Variants in ZNF362 observed in about 807,000 individuals in gnomAD.
ZNF362 encodes the protein rotund homolog.
ZNF362 carries 11 observed loss-of-function variants against 42.9 expected under a neutral mutation model. That is an observed-to-expected ratio of 0.26 (90% CI 0.16 to 0.42). The LOEUF is 0.42. Ranked by LOEUF, ZNF362 falls within the 20% of genes least tolerant of loss-of-function variation. ZNF362 has a pLI of 1.00. For synonymous variants in ZNF362, 255 were observed against 257.3 expected, an observed-to-expected ratio of 0.99 and a Z score of 0.09; for missense variants, 362 against 576.2, an observed-to-expected ratio of 0.63 and a Z score of 3.81.
the ZNF362 span, among the ~76,000 whole-genome samples, chr1:33,216,751 G>C: frequency 6.6e-6 from 1 of 151,840 alleles, no homozygotes; most frequent in Non-Finnish European, 1.5e-5. Flanking sequence ...ATAATAAATA[G>C]AAAGAGTTGC....
the ZNF362 span, among the ~76,000 whole-genome samples, chr1:33,139,753 G>A: frequency 2.6e-5 from 4 of 152,218 alleles, no homozygotes; most frequent in African/African-American, 9.6e-5. Flanking sequence ...TGGGCTGCTG[G>A]TGGGGAGGGC....
At chr1:33,178,990 A>G in the ZNF362 span, among the ~76,000 whole-genome samples, 1 of 152,214 alleles carries the variant, frequency 6.6e-6, no homozygotes, top group African/African-American at 2.4e-5. Flanking sequence ...ATCAGAGAAG[A>G]GGGATCTGGG....
At chr1:33,186,670 G>T in the ZNF362 span, among the ~76,000 whole-genome samples, 1 of 145,100 alleles carries the variant, frequency 6.9e-6, no homozygotes, top group Admixed American at 7.1e-5. Flanking sequence ...GCTGGGCGTG[G>T]TGGCGGGTGC....
the ZNF362 span, chr1:33,165,403 T>C: frequency 3.9e-3 from 5,377 of 1,367,990 alleles, 192 homozygotes; most frequent in East Asian, 0.097. This position sits in a 1 kb window ranked among gnomAD's most constrained non-coding sequence, Gnocchi z 4.0. Flanking sequence ...CTTCCCCAGC[T>C]GGCCCCGCCC....
chr1:33,275,698 G>A (rs1645939120), intron 2 of ZNF362, among the ~76,000 whole-genome samples: 1 of 152,188 alleles, frequency 6.6e-6, no homozygotes, highest in Admixed American at 6.5e-5. Context: ...CAAATTTGCT[G>A]CAGTCCTCCC....
At chr1:33,249,703 G>T in the ZNF362 span, among the ~76,000 whole-genome samples, 1 of 152,296 alleles carries the variant, frequency 6.6e-6, no homozygotes, top group Middle Eastern at 3.4e-3. Context: ...GGGAGGTACA[G>T]ATGAGAAGGG....
At chr1:33,206,893 T>G in the ZNF362 span, among the ~76,000 whole-genome samples, 1 of 152,196 alleles carries the variant, frequency 6.6e-6, no homozygotes, top group African/African-American at 2.4e-5. Context: ...ACTATGCACC[T>G]GTTGTAATGT....
the ZNF362 span, chr1:33,158,471 C>A: frequency 1.2e-6 from 1 of 856,024 alleles, no homozygotes; most frequent in Non-Finnish European, 2.0e-6. Context: ...AGGATGTGGT[C>A]ATGAGTGAGA....
At chr1:33,238,994 GC>G in the ZNF362 span, among the ~76,000 whole-genome samples, 2 of 152,154 alleles carry the variant, frequency 1.3e-5, no homozygotes, top group Admixed American at 6.5e-5. Context: ...TGTTATGGCA[GC>G]CCCAGCAGGA....
the ZNF362 span, chr1:33,146,907 G>A: frequency 0.22 from 106,197 of 488,448 alleles, 12,647 homozygotes; most frequent in South Asian, 0.3. Context: ...TGAGGGTTGG[G>A]CAGGGGTTGC....
intron 6 of ZNF362, chr1:33,282,039 A>C: frequency 1.8e-6 from 1 of 562,184 alleles, no homozygotes; most frequent in East Asian, 2.9e-5. Flanking sequence ...CCAGAGAGAC[A>C]CCCCTCTCCC....
the ZNF362 span, among the ~76,000 whole-genome samples, chr1:33,183,870 T>A: frequency 6.6e-6 from 1 of 152,250 alleles, no homozygotes; most frequent in Non-Finnish European, 1.5e-5. Context: ...GAGTCTGGAC[T>A]TCAGGATATG....
intron 4 of ZNF362, among the ~76,000 whole-genome samples, chr1:33,277,928 T>C (rs1645963623): frequency 7.1e-6 from 1 of 141,676 alleles, no homozygotes; most frequent in Admixed American, 6.8e-5. Context: ...CCTTTGTTCC[T>C]CCCCTGTCGC....
At chr1:33,153,354 C>T in the ZNF362 span, among the ~76,000 whole-genome samples, 7 of 152,196 alleles carry the variant, frequency 4.6e-5, no homozygotes, top group African/African-American at 1.7e-4. Context: ...TCTGTTCCTC[C>T]CTCAGCTCCT....
At chr1:33,189,661 A>ATATATATG in the ZNF362 span, among the ~76,000 whole-genome samples, 1 of 20,014 alleles carries the variant, frequency 5.0e-5, no homozygotes, top group Non-Finnish European at 1.4e-4. Flanking sequence ...ATATATATAT[A>ATATATATG]TATATATATA....
At chr1:33,177,047 ACACG>A in the ZNF362 span, among the ~76,000 whole-genome samples, 10 of 58,382 alleles carry the variant, frequency 1.7e-4, no homozygotes, top group East Asian at 4.6e-4. The surrounding 1 kb of genome is among the most constrained non-coding windows in gnomAD (Gnocchi z 4.1). Flanking sequence ...ATGCACACAC[ACACG>A]CACACACACA....
Position 33,280,344 on chromosome 1 carries a change from C to T in ZNF362, c.570C>T (p.Ser190=), listed in dbSNP as rs1272226437. 6.2e-7 allele frequency: 1 copy of T among 1,614,036 alleles called. No individual in the cohort carries two copies. The change falls in exon 5 of 9, where the codon TCC becomes TCT. Residue 190 remains serine, a synonymous_variant. Transcript: ENST00000539719. The surrounding 1 kb of genome is among the most constrained non-coding windows in gnomAD (Gnocchi z 5.6). ...ACGGCCTGCTTGGCCCCCCCAAGTC[C>T]GAACGCGGCCGCAAAAAGATCAAGG... is the stretch of plus-strand genomic sequence containing the variant. ...QGHGLLGPPK[S]ERGRKKIKAE... is the part of the protein sequence containing the mutation.
the ZNF362 span, among the ~76,000 whole-genome samples, chr1:33,231,049 T>C: frequency 2.0e-5 from 3 of 152,190 alleles, no homozygotes; most frequent in Non-Finnish European, 4.4e-5. Context: ...ACCACAACAA[T>C]AATAATAAAC....
chr1:33,275,931 A>T (rs1050702429), intron 2 of ZNF362, among the ~76,000 whole-genome samples, 169 bp from the exon 3 acceptor site: 3 of 151,770 alleles, frequency 2.0e-5, no homozygotes, highest in Non-Finnish European at 4.4e-5. Flanking sequence ...CAGCCTGGAG[A>T]TGTGGCTTCC....
Sources: gnomAD v4.1 joint callset for allele counts (sites outside exome capture counted in the v4.1 genomes callset) on GRCh38, gnomAD v4.1.1 for gene constraint, Gnocchi (gnomAD v3.1) non-coding constraint, MANE v1.5 for transcripts, NCBI Gene and HGNC (gene_info 2026-07-23, HGNC 2026-07-21) for gene names.